MEI1: variants seen among roughly 807,000 people sequenced by gnomAD.
MEI1 encodes the protein meiosis inhibitor protein 1.
Under a neutral mutation model 146.2 loss-of-function variants are expected in MEI1, and 103 were observed. The ratio of observed to expected loss-of-function variants is 0.70; its 90% CI spans 0.60 to 0.83. The LOEUF (loss-of-function observed/expected upper bound fraction) is 0.83, where lower values mean the gene tolerates loss of function less well. MEI1 is among the 40% of genes least tolerant of loss of function. The probability of loss-of-function intolerance (pLI) is 0.00; values close to 1 mark genes in which losing one functional copy is unlikely to be tolerated. For synonymous variants in MEI1, 652 were observed against 628.2 expected (o/e 1.04, Z -0.57); for missense variants, 1,529 against 1,533.0 (o/e 1.00, Z 0.04).
At chr22:41,737,559 G>T (rs1601837260) in intron 11 of MEI1, among the ~76,000 whole-genome samples, 1 of 145,668 alleles carries the variant, frequency 6.9e-6, no homozygotes, top group African/African-American at 2.6e-5. Context: ...TGGGGGGTGA[G>T]GGGTCAGAGT....
intron 2 of MEI1, among the ~76,000 whole-genome samples, chr22:41,705,176 CTT>C (rs368574546): frequency 6.5e-5 from 9 of 138,760 alleles, no homozygotes; most frequent in Admixed American, 7.3e-5. Flanking sequence ...TTAACCACTC[CTT>C]TTTTTTTTTT....
intron 11 of MEI1, among the ~76,000 whole-genome samples, chr22:41,742,758 T>G (rs557034849): frequency 4.6e-5 from 7 of 152,284 alleles, no homozygotes; most frequent in Non-Finnish European, 8.8e-5. Context: ...GCTCAGGTGA[T>G]CCTCCCACCT....
intron 15 of MEI1, among the ~76,000 whole-genome samples, chr22:41,749,289 T>A (rs1487144943): frequency 6.6e-6 from 1 of 152,100 alleles, no homozygotes; most frequent in Non-Finnish European, 1.5e-5. Flanking sequence ...CTTTTTTTTT[T>A]TTTGAGACAG....
intron 20 of MEI1, among the ~76,000 whole-genome samples, chr22:41,772,409 G>A (rs114833052): frequency 0.046 from 6,940 of 152,012 alleles, 524 homozygotes; most frequent in African/African-American, 0.16. Context: ...TTGGGAGGCC[G>A]AGCCAGGTGA....
chr22:41,705,686 C>T, intron 3 of MEI1, 132 bp downstream of exon 3: 2 of 660,626 alleles, frequency 3.0e-6, no homozygotes, highest in South Asian at 1.8e-5. Context: ...TTTTCAATCA[C>T]TAATTCAACA....
At chr22:41,744,394 G>A (rs544464082) in intron 12 of MEI1, among the ~76,000 whole-genome samples, 1 of 151,732 alleles carries the variant, frequency 6.6e-6, no homozygotes, top group East Asian at 1.9e-4. Flanking sequence ...GGATGGCTAC[G>A]ATCTCCTGAC....
intron 22 of MEI1, among the ~76,000 whole-genome samples, chr22:41,779,991 G>T (rs1163179850): frequency 8.5e-5 from 13 of 152,140 alleles, no homozygotes; most frequent in Non-Finnish European, 1.6e-4. Context: ...CATCTTCCCT[G>T]CCTGGAGCCC....
chr22:41,748,720 C>CA lies in MEI1; in HGVS notation c.1792+503dup, dbSNP rs568065603. 2.4e-4 allele frequency among the ~76,000 whole-genome samples: 36 copies of CA among 152,144 alleles called. No homozygotes were observed. The East Asian group carries it at 5.2e-3, about 22-fold the overall frequency. ...TTCCACTGATGAGCAAACTGAATCTCAGAGAGGTTAAGTAACTTGCCTAAG... is the reference window on the plus strand; with the variant it reads ...TTCCACTGATGAGCAAACTGAATCTCAAGAGAGGTTAAGTAACTTGCCTAAG... On this transcript the variant is annotated intron_variant, in intron 15 of 30. Transcript: ENST00000401548.
chr22:41,779,310 T>C (rs5758465), intron 22 of MEI1, among the ~76,000 whole-genome samples: 126,795 of 152,038 alleles, frequency 0.83, 53,824 homozygotes, highest in African/African-American at 0.95. Flanking sequence ...ATTAGCTGTG[T>C]GTCGTGATGC....
rs73424975 is a variant in MEI1, at chr22:41,699,599, G to A, written c.61G>A (p.Ala21Thr). 3.7e-3 allele frequency: 5,907 copies of A among 1,612,704 alleles called. 163 individuals carry two copies. The African/African-American group carries it at 0.061, about 17-fold the overall frequency. ...CGGGCCCAGGAGAGAGGAAGAGGCG[G>A]CGCTTCTATTCGAGAGGGCCCATTA... ...TPGPRREEEA[A>T]LLFERAHYRH... is the part of the protein sequence containing the mutation. Residue 21 changes from alanine to threonine, a missense_variant, in exon 1 of 31, where the codon GCG becomes ACG. By Grantham distance (58) the Ala-to-Thr change is moderately conservative (BLOSUM62 0). Around this residue, in one of 3 missense-constraint regions of MEI1, gnomAD observed 1,212 missense variants for 1,178.9 expected, o/e 1.03. Coordinates refer to ENST00000401548, the MANE Select transcript of MEI1 (RefSeq NM_152513.4).
chr22:41,755,555 C>T (rs1030689194), intron 17 of MEI1, among the ~76,000 whole-genome samples: 1 of 152,192 alleles, frequency 6.6e-6, no homozygotes, highest in Admixed American at 6.5e-5. Context: ...CATCACCTCT[C>T]ATGCTCATAA....
Position 41,795,573 on chromosome 22 carries a change from T to C in MEI1, c.3666+31T>C, listed in dbSNP as rs1400391109. ...TGGGAAGGGGAGGCCATGCAGCCACTGTAAAGCTAGACCCTCAACACCATC... is the reference window on the plus strand; with the variant it reads ...TGGGAAGGGGAGGCCATGCAGCCACCGTAAAGCTAGACCCTCAACACCATC... On this transcript the variant is annotated intron_variant, in intron 29 of 30. Coordinates refer to ENST00000401548, the MANE Select transcript of MEI1 (RefSeq NM_152513.4). The surrounding 1 kb of genome is among the most constrained non-coding windows in gnomAD (Gnocchi z 4.2). 1.9e-6 allele frequency: 3 copies of C among 1,613,342 alleles called. No homozygotes were observed. Among genetic ancestry groups the C allele is most frequent in the Non-Finnish European group, 2.5e-6 (3 of 1,179,594 alleles).
chr22:41,776,191 G>T lies in MEI1; in HGVS notation c.2634G>T (p.Val878=). ...TFLRRNEDIQ[V]GGLIRGHFLL... ...TGAGGAGGAATGAGGATATCCAAGT[G>T]GGCGGTCTTATCCGAGGCCACTTCC... The change falls in exon 21 of 31, where the codon GTG becomes GTT. Residue 878 remains valine, a synonymous_variant. Transcript: ENST00000401548. 3 of 1,613,986 alleles carry T rather than the reference G, an allele frequency of 1.9e-6. No homozygotes were observed. Among genetic ancestry groups the T allele is most frequent in the Non-Finnish European group, 2.5e-6 (3 of 1,179,892 alleles).
chr22:41,710,150 G>C (rs1159400247), intron 3 of MEI1, among the ~76,000 whole-genome samples: 3 of 151,984 alleles, frequency 2.0e-5, no homozygotes, highest in African/African-American at 4.8e-5. Flanking sequence ...CACACACACA[G>C]AGACACCAGG....
intron 14 of MEI1, among the ~76,000 whole-genome samples, chr22:41,746,758 G>A (rs901937884): frequency 6.6e-6 from 1 of 152,160 alleles, no homozygotes; most frequent in South Asian, 2.1e-4. Context: ...GTAGGTGGCA[G>A]CAGGGAGGCA....
chr22:41,790,656 G>A (rs1366278139), intron 26 of MEI1, among the ~76,000 whole-genome samples: 1 of 151,556 alleles, frequency 6.6e-6, no homozygotes, highest in East Asian at 1.9e-4. Context: ...GCAATGGCGC[G>A]ATCTCGGCTC....
intron 19 of MEI1, 149 bp downstream of exon 19, chr22:41,763,470 G>C: frequency 1.3e-6 from 1 of 772,632 alleles, no homozygotes; most frequent in Non-Finnish European, 2.1e-6. Context: ...GGAGTAGGAT[G>C]CAGACTCATA....
intron 9 of MEI1, among the ~76,000 whole-genome samples, 153 bp from the exon 10 acceptor site, chr22:41,732,092 A>C (rs1328673704): frequency 6.6e-6 from 1 of 152,082 alleles, no homozygotes; most frequent in Non-Finnish European, 1.5e-5. Context: ...AAGATCTCAC[A>C]GTCTGGTCCC....
intron 16 of MEI1, chr22:41,753,503 A>C (rs1184165948): frequency 6.4e-6 from 1 of 156,400 alleles, no homozygotes; most frequent in African/African-American, 2.4e-5. Context: ...GCCCCAAAAA[A>C]CGCTTTCAGA....
Sources: allele counts gnomAD v4.1 joint callset (sites outside exome capture counted in the v4.1 genomes callset), GRCh38; gene constraint gnomAD v4.1.1; regional missense constraint gnomAD v4.1.1; non-coding constraint Gnocchi (gnomAD v3.1); transcripts MANE v1.5; gene names NCBI Gene and HGNC (gene_info 2026-07-23, HGNC 2026-07-21).